The following ELOVL7 variants were observed in gnomAD, a reference collection of about 807,000 sequenced individuals.
The protein encoded by ELOVL7 is very long chain fatty acid elongase 7.
Under a neutral mutation model 35.7 loss-of-function variants are expected in ELOVL7, and 27 were observed. The ratio of observed to expected loss-of-function variants is 0.76; its 90% confidence interval spans 0.56 to 1.04. The LOEUF (loss-of-function observed/expected upper bound fraction) is 1.04. Among genes scored for constraint, ELOVL7 ranks in the 50% least tolerant of loss-of-function variants. ELOVL7 has a pLI of 0.00. For missense variants in ELOVL7, 327 were observed against 340.8 expected (o/e 0.96, Z 0.32); for synonymous variants, 113 against 114.6 (o/e 0.99, Z 0.09).
intron 3 of ELOVL7, among the ~76,000 whole-genome samples, chr5:60,776,487 G>A (rs1376523050): frequency 6.6e-6 from 1 of 152,146 alleles, no homozygotes; most frequent in Non-Finnish European, 1.5e-5. Flanking sequence ...CATTAATGGT[G>A]GATTGGATAA....
intron 3 of ELOVL7, among the ~76,000 whole-genome samples, chr5:60,777,980 T>C (rs1561434979): frequency 6.6e-6 from 1 of 152,234 alleles, no homozygotes; most frequent in African/African-American, 2.4e-5. Context: ...AAAAGTTTGA[T>C]GACAGACACT....
intron 3 of ELOVL7, among the ~76,000 whole-genome samples, chr5:60,783,116 A>C (rs942301416): frequency 1.3e-5 from 2 of 152,180 alleles, no homozygotes; most frequent in African/African-American, 4.8e-5. Context: ...GTCATAGTTA[A>C]GAGCTAGGGG....
At chr5:60,792,428 T>C (rs6894672) in intron 2 of ELOVL7, among the ~76,000 whole-genome samples, 86,914 of 151,442 alleles carry the variant, frequency 0.57, 25,597 homozygotes, top group East Asian at 0.89. Flanking sequence ...TGTTACATTG[T>C]AGGGACTGAC....
intron 3 of ELOVL7, among the ~76,000 whole-genome samples, chr5:60,786,829 C>A (rs911528727): frequency 6.6e-6 from 1 of 151,778 alleles, no homozygotes; most frequent in Non-Finnish European, 1.5e-5. Flanking sequence ...GTAGTCCCAG[C>A]TACTTGGGAG....
chr5:60,818,072 C>T lies in ELOVL7; in HGVS notation c.-85-18842G>A, dbSNP rs1579910892. On this transcript the variant is annotated intron_variant, in intron 1 of 8. Transcript: ENST00000508821. The stretch of plus-strand genomic sequence containing the variant: ...ATGGCTCACATCTGGAATCCTGGCA[C>T]TTTGGGAGGCCGAGGCAGGTGGATC... Among the ~76,000 whole-genome samples the T allele has an allele frequency of 1.3e-5, 2 of 151,836 alleles. 1 individual carries two copies. The highest frequency in any genetic ancestry group is 4.2e-4 in the South Asian group (2 of 4,800).
intron 1 of ELOVL7, among the ~76,000 whole-genome samples, chr5:60,816,534 C>G (rs1745529279): frequency 6.6e-6 from 1 of 152,172 alleles, no homozygotes; most frequent in Non-Finnish European, 1.5e-5. Context: ...CCACCACAAC[C>G]CACAATACCA....
intron 1 of ELOVL7, among the ~76,000 whole-genome samples, chr5:60,837,992 AG>A (rs1164607751): frequency 4.6e-5 from 7 of 152,216 alleles, no homozygotes; most frequent in African/African-American, 1.7e-4. Context: ...CAGATCAGAT[AG>A]GGAAATGAGA....
chr5:60,766,655 A>G (rs1742254860), intron 5 of ELOVL7, 25 bp from the exon 6 acceptor site: 1 of 1,597,376 alleles, frequency 6.3e-7, no homozygotes, highest in Admixed American at 1.7e-5. Context: ...ATAAATCTAA[A>G]TTTATTTTGT....
chr5:60,779,354 G>A (rs1182378722), intron 3 of ELOVL7, among the ~76,000 whole-genome samples: 1 of 152,160 alleles, frequency 6.6e-6, no homozygotes. Context: ...CTCCATGAGG[G>A]CTCTACCTCT....
At chr5:60,825,565 T>C (rs1746122527) in intron 1 of ELOVL7, among the ~76,000 whole-genome samples, 3 of 152,316 alleles carry the variant, frequency 2.0e-5, no homozygotes, top group African/African-American at 7.2e-5. Flanking sequence ...CTTACCTCTC[T>C]GGCACCTGAA....
At chr5:60,828,399 GAATA>G (rs1172769333) in intron 1 of ELOVL7, among the ~76,000 whole-genome samples, 3 of 152,038 alleles carry the variant, frequency 2.0e-5, no homozygotes, top group Non-Finnish European at 4.4e-5. Flanking sequence ...GAAATTCTAA[GAATA>G]AATGGATTTT....
At chr5:60,774,253 CA>C (rs1208588488) in intron 3 of ELOVL7, among the ~76,000 whole-genome samples, 1 of 152,140 alleles carries the variant, frequency 6.6e-6, no homozygotes, top group Non-Finnish European at 1.5e-5. Context: ...AAATCCTCAA[CA>C]AACTAGCCAG....
intron 1 of ELOVL7, among the ~76,000 whole-genome samples, chr5:60,806,476 T>C (rs1252410924): frequency 6.6e-6 from 1 of 152,040 alleles, no homozygotes; most frequent in East Asian, 1.9e-4. Flanking sequence ...AGGGCAGCAC[T>C]CAGGGGACAC....
chr5:60,775,227 C>T (rs1742834361), intron 3 of ELOVL7, among the ~76,000 whole-genome samples: 1 of 152,096 alleles, frequency 6.6e-6, no homozygotes, highest in South Asian at 2.1e-4. Context: ...ATCCTATTTA[C>T]AATAACCACA....
intron 1 of ELOVL7, among the ~76,000 whole-genome samples, chr5:60,835,190 GAA>G (rs60918884): frequency 2.0e-4 from 16 of 81,350 alleles, no homozygotes; most frequent in Admixed American, 4.4e-4. Flanking sequence ...ATCCCATCTT[GAA>G]AAAAAAAAAA....
At chr5:60,759,799 C>T (rs1057480960) in intron 7 of ELOVL7, among the ~76,000 whole-genome samples, 1 of 151,990 alleles carries the variant, frequency 6.6e-6, no homozygotes, top group Non-Finnish European at 1.5e-5. Context: ...TCCCCCAACC[C>T]CACAGCAGTC....
At position 60,827,961 on chromosome 5, in the gene ELOVL7, A is replaced by T. The variant is rs77791174; in HGVS notation, c.-86+16199T>A. Among the ~76,000 whole-genome samples the T allele has an allele frequency of 2.2e-4, 34 of 151,418 alleles. No homozygotes were observed. The East Asian group carries it at 6.3e-3, about 28-fold the overall frequency. On this transcript the variant is annotated intron_variant, in intron 1 of 8. Transcript: ENST00000508821. The stretch of plus-strand genomic sequence containing the variant: ...CACTCCTTTCCATCCACAGAGGCAC[A>T]CCCCCATCTAGGCTCTGTGCTGGAC...
chr5:60,764,318 C>A lies in ELOVL7; in HGVS notation c.408G>T (p.Leu136=). 6.2e-7 allele frequency: 1 copy of A among 1,611,042 alleles called. No homozygotes were observed. Among genetic ancestry groups the A allele is most frequent in the South Asian group, 1.1e-5 (1 of 90,982 alleles). The change falls in exon 7 of 9, where the codon CTG becomes CTT. Residue 136 remains leucine, a synonymous_variant. Transcript: ENST00000508821. ...IELLDTIFFV[L]RKKNSQVTFL... is the part of the protein sequence containing the mutation. ...AAGTCACTTGGCTATTTTTCTTGCG[C>A]AGAACAAAAAAGATCTGAAATAATT...
intron 1 of ELOVL7, among the ~76,000 whole-genome samples, chr5:60,816,379 T>A (rs1745517602): frequency 7.9e-5 from 4 of 50,850 alleles, no homozygotes; most frequent in African/African-American, 3.1e-4. Flanking sequence ...AGACTCCATC[T>A]CAAAAAAAAA....
Sources: allele counts gnomAD v4.1 joint callset (sites outside exome capture counted in the v4.1 genomes callset), GRCh38; gene constraint gnomAD v4.1.1; transcripts MANE v1.5; gene names NCBI Gene and HGNC (gene_info 2026-07-23, HGNC 2026-07-21).